HRH2: variants seen among roughly 807,000 people sequenced by gnomAD.
The protein encoded by HRH2 is histamine receptor H2.
HRH2 carries 4 observed loss-of-function variants against 20.1 expected under a neutral mutation model. That is an observed-to-expected ratio of 0.20 (90% CI 0.10 to 0.45). The LOEUF (loss-of-function observed/expected upper bound fraction) is 0.45. HRH2 is among the 20% of genes least tolerant of loss of function. HRH2 has a pLI of 0.99. For missense variants in HRH2, 250 were observed against 461.6 expected (o/e 0.54, Z 4.20); for synonymous variants, 197 against 200.7 (o/e 0.98, Z 0.16).
intron 1 of HRH2, among the ~76,000 whole-genome samples, chr5:175,671,901 T>C (rs900982175): frequency 2.0e-5 from 3 of 152,064 alleles, no homozygotes; most frequent in African/African-American, 2.4e-5. Context: ...CTTTGTAAGA[T>C]AGTAAGCCCC....
At chr5:175,661,352 G>A (rs1009936165) in intron 1 of HRH2, among the ~76,000 whole-genome samples, 2 of 152,192 alleles carry the variant, frequency 1.3e-5, no homozygotes, top group African/African-American at 2.4e-5. Context: ...GCACCTCTAT[G>A]TCAAGGCCTG....
At chr5:175,660,289 T>A (rs73337491) in intron 1 of HRH2, among the ~76,000 whole-genome samples, 2,350 of 152,190 alleles carry the variant, frequency 0.015, 77 homozygotes, top group African/African-American at 0.054. Context: ...ATCATCCAAA[T>A]GAAAGGATGG....
intron 2 of HRH2, among the ~76,000 whole-genome samples, chr5:175,696,668 G>A (rs1756592586): frequency 6.6e-6 from 1 of 152,170 alleles, no homozygotes; most frequent in Non-Finnish European, 1.5e-5. Context: ...GTGGGGGAGG[G>A]GCTCCGCAGG....
intron 2 of HRH2, among the ~76,000 whole-genome samples, chr5:175,701,375 C>T (rs1234857521): frequency 1.3e-5 from 2 of 152,190 alleles, no homozygotes; most frequent in East Asian, 1.9e-4. Context: ...GTAACTGACT[C>T]ATAGAACTGA....
rs1337212872 is a variant in HRH2, at chr5:175,677,487, ACTGT to A, written c.-525-5218_-525-5215del. 2.6e-5 allele frequency among the ~76,000 whole-genome samples: 4 copies of A among 152,276 alleles called. No homozygotes were observed. The highest frequency in any genetic ancestry group is 4.8e-5 in the African/African-American group (2 of 41,568). ...AAGGCCAGGGATCATTTCAGCTCTGACTGTCTGGGCTGAAGCCACGTTGGTCCGC... is the reference window on the plus strand; with the variant it reads ...AAGGCCAGGGATCATTTCAGCTCTGACTGGGCTGAAGCCACGTTGGTCCGC... On this transcript the variant is annotated intron_variant, in intron 1 of 2. Transcript: ENST00000636584. This position sits in a 1 kb window ranked among gnomAD's most constrained non-coding sequence, Gnocchi z 4.2.
intron 2 of HRH2, among the ~76,000 whole-genome samples, chr5:175,705,928 C>A (rs572332006): frequency 1.1e-3 from 160 of 152,296 alleles, no homozygotes; most frequent in Non-Finnish European, 1.9e-3. Context: ...AAGTGATCGG[C>A]CTGCCTTGGC....
intron 1 of HRH2, among the ~76,000 whole-genome samples, chr5:175,674,921 C>A (rs944639858): frequency 6.6e-6 from 1 of 152,192 alleles, no homozygotes; most frequent in Non-Finnish European, 1.5e-5. Flanking sequence ...ATCACAAGGG[C>A]GGAAGTGTCT....
intron 2 of HRH2, among the ~76,000 whole-genome samples, chr5:175,691,558 G>A (rs1196143508): frequency 6.6e-6 from 1 of 152,144 alleles, no homozygotes; most frequent in Non-Finnish European, 1.5e-5. Flanking sequence ...CATGACTTTG[G>A]GGCCACTGCT....
intron 1 of HRH2, among the ~76,000 whole-genome samples, chr5:175,671,468 T>A (rs1755537060): frequency 6.6e-6 from 1 of 152,154 alleles, no homozygotes; most frequent in Admixed American, 6.5e-5. Flanking sequence ...TCAGTGGCAG[T>A]GCTGGTATCC....
At position 175,702,866 on chromosome 5, in the gene HRH2, C is replaced by G. The variant is rs533224700; in HGVS notation, c.1077-4913C>G. 2.6e-5 allele frequency among the ~76,000 whole-genome samples: 4 copies of G among 152,014 alleles called. No individual in the cohort carries two copies. The South Asian group carries it at 8.3e-4, about 32-fold the overall frequency. On this transcript the variant is annotated intron_variant, in intron 2 of 2. Transcript: ENST00000636584. ...ACAGGCGTGAGCCACTGTGCCCAACCAAATATACCATCTTTAAAGATAAAT... is the reference window on the plus strand; with the variant it reads ...ACAGGCGTGAGCCACTGTGCCCAACGAAATATACCATCTTTAAAGATAAAT...
Position 175,681,154 on chromosome 5 carries a change from A to AT in HRH2, c.-525-1553dup, listed in dbSNP as rs935677094. Among the ~76,000 whole-genome samples, 43 of 152,288 alleles carry AT rather than the reference A, an allele frequency of 2.8e-4. No homozygotes were observed. The highest frequency in any genetic ancestry group is 9.6e-4 in the African/African-American group (40 of 41,556). On this transcript the variant is annotated intron_variant, in intron 1 of 2. Coordinates refer to ENST00000636584, the MANE Select transcript of HRH2 (RefSeq NM_001367711.1). This position sits in a 1 kb window ranked among gnomAD's most constrained non-coding sequence, Gnocchi z 4.3. ...CTTATTGCTACCCCCTCCAAAGTTA[A>AT]TTAAGTGTGGCGGTGAGACCCATGC...
chr5:175,676,514 C>T (rs868257566), intron 1 of HRH2, among the ~76,000 whole-genome samples: 153 of 152,340 alleles, frequency 1.0e-3, no homozygotes, highest in African/African-American at 3.7e-3. Context: ...CCCCAGGGCT[C>T]GTCTCCGGCT....
intron 2 of HRH2, among the ~76,000 whole-genome samples, chr5:175,690,182 C>T (rs1272080864): frequency 6.6e-6 from 1 of 152,206 alleles, no homozygotes; most frequent in African/African-American, 2.4e-5. Context: ...CAGCTCACCC[C>T]ACAGTCAGGG....
At chr5:175,692,088 C>T (rs781290780) in intron 2 of HRH2, among the ~76,000 whole-genome samples, 2 of 152,006 alleles carry the variant, frequency 1.3e-5, no homozygotes, top group Non-Finnish European at 2.9e-5. Flanking sequence ...GGAGACAGCC[C>T]GGCAAAAGGC....
In HRH2 at chr5:175,686,378, A is replaced by G. The variant is rs1756174060; in HGVS notation, c.1076+2069A>G. On this transcript the variant is annotated intron_variant, in intron 2 of 2. Coordinates refer to ENST00000636584, the MANE Select transcript of HRH2 (RefSeq NM_001367711.1). This position sits in a 1 kb window ranked among gnomAD's most constrained non-coding sequence, Gnocchi z 4.7. ...TTCATTCAATAAGCACTTAACAACA[A>G]TAGCTAACATTCATTGAGCATCCAC... is the stretch of plus-strand genomic sequence containing the variant. 6.6e-6 allele frequency: 1 copy of G among 152,264 alleles called. No individual in the cohort carries two copies. The highest frequency in any genetic ancestry group is 2.4e-5 in the African/African-American group (1 of 41,472). The allele number at this position is 152,264 out of a possible 1,614,324, so 9.4% of individuals were successfully genotyped here.
chr5:175,690,464 G>A (rs1320850092), intron 2 of HRH2, among the ~76,000 whole-genome samples: 1 of 152,146 alleles, frequency 6.6e-6, no homozygotes, highest in Non-Finnish European at 1.5e-5. Context: ...CATCATTCCT[G>A]GCATGTGACA....
chr5:175,671,847 A>T (rs1755554644), intron 1 of HRH2, among the ~76,000 whole-genome samples: 2 of 152,110 alleles, frequency 1.3e-5, no homozygotes, highest in South Asian at 4.2e-4. Context: ...GAGGGTGTAG[A>T]GCTCTGTAAA....
chr5:175,705,786 C>A (rs768688977), intron 2 of HRH2, among the ~76,000 whole-genome samples: 1 of 152,052 alleles, frequency 6.6e-6, no homozygotes, highest in Non-Finnish European at 1.5e-5. Context: ...CTTCAGCCTC[C>A]CAAGTAGCTG....
At chr5:175,701,070 G>A (rs1385191900) in intron 2 of HRH2, among the ~76,000 whole-genome samples, 1 of 152,166 alleles carries the variant, frequency 6.6e-6, no homozygotes, top group East Asian at 1.9e-4. Flanking sequence ...AGGGAAATGG[G>A]AAGGGGCACT....
Sources: allele counts gnomAD v4.1 joint callset (sites outside exome capture counted in the v4.1 genomes callset), GRCh38; gene constraint gnomAD v4.1.1; non-coding constraint Gnocchi (gnomAD v3.1); transcripts MANE v1.5; gene names NCBI Gene and HGNC (gene_info 2026-07-23, HGNC 2026-07-21).